Variants in PRKCE observed in about 807,000 individuals in gnomAD.
The protein encoded by PRKCE is protein kinase C epsilon type.
A neutral mutation model predicts 85.4 loss-of-function variants in PRKCE; 16 were observed. That is an observed-to-expected ratio of 0.19 (90% CI 0.13 to 0.28). The LOEUF is 0.28. Among genes scored for constraint, PRKCE ranks in the 10% least tolerant of loss-of-function variants. PRKCE has a pLI of 1.00. For missense variants in PRKCE, 573 were observed against 975.2 expected (o/e 0.59, Z 5.49); for synonymous variants, 388 against 371.5 (o/e 1.04, Z -0.51).
intron 1 of PRKCE, among the ~76,000 whole-genome samples, chr2:45,690,738 G>C (rs1677662623): frequency 6.6e-6 from 1 of 152,202 alleles, no homozygotes; most frequent in Non-Finnish European, 1.5e-5. Context: ...AGGTTTGAGT[G>C]ATTTTCCCTC....
intron 2 of PRKCE, among the ~76,000 whole-genome samples, chr2:45,932,619 T>C (rs1699124803): frequency 6.6e-6 from 1 of 151,920 alleles, no homozygotes; most frequent in African/African-American, 2.4e-5. Flanking sequence ...TGTTTTATTG[T>C]ATCTTTTTTT....
At chr2:45,732,507 A>G (rs1293310937) in intron 1 of PRKCE, among the ~76,000 whole-genome samples, 1 of 152,106 alleles carries the variant, frequency 6.6e-6, no homozygotes, top group East Asian at 1.9e-4. Flanking sequence ...TTTTTGAAAA[A>G]AGGTTTGAAG....
At chr2:45,724,844 T>G (rs1210324653) in intron 1 of PRKCE, among the ~76,000 whole-genome samples, 2 of 152,224 alleles carry the variant, frequency 1.3e-5, no homozygotes, top group Non-Finnish European at 2.9e-5. Flanking sequence ...TAGCAGAGGC[T>G]AGTTTATGAC....
intron 7 of PRKCE, among the ~76,000 whole-genome samples, chr2:46,003,057 G>T (rs979779039): frequency 6.6e-6 from 1 of 152,190 alleles, no homozygotes; most frequent in East Asian, 1.9e-4. Flanking sequence ...TCAAGAAGGG[G>T]CAGGGTGGAA....
intron 1 of PRKCE, among the ~76,000 whole-genome samples, chr2:45,660,283 G>A (rs1469409497): frequency 6.6e-6 from 1 of 152,104 alleles, no homozygotes. Flanking sequence ...AGGAGAAAAG[G>A]ATATTTTATT....
chr2:45,961,970 C>G (rs1194865716), intron 2 of PRKCE, among the ~76,000 whole-genome samples: 1 of 152,174 alleles, frequency 6.6e-6, no homozygotes, highest in Non-Finnish European at 1.5e-5. Flanking sequence ...GCTGGGATTA[C>G]AGGCGTGAAC....
intron 3 of PRKCE, among the ~76,000 whole-genome samples, chr2:45,977,326 A>G (rs189584668): frequency 2.6e-5 from 4 of 152,082 alleles, no homozygotes; most frequent in African/African-American, 9.6e-5. Flanking sequence ...GATGCCTAGG[A>G]TTTGTTAGAA....
chr2:46,167,225 T>C (rs374092383), intron 14 of PRKCE, among the ~76,000 whole-genome samples: 32 of 152,224 alleles, frequency 2.1e-4, no homozygotes, highest in African/African-American at 7.7e-4. Flanking sequence ...TGTGGGATAT[T>C]GGGAAAGTCA....
At chr2:46,149,795 A>G (rs971919913) in intron 12 of PRKCE, among the ~76,000 whole-genome samples, 2 of 151,060 alleles carry the variant, frequency 1.3e-5, no homozygotes, top group Non-Finnish European at 2.9e-5. Context: ...GTGTGTGTGT[A>G]TCATGTATTT....
chr2:45,782,779 ACACT>A (rs1640663400), intron 1 of PRKCE, among the ~76,000 whole-genome samples: 1 of 152,038 alleles, frequency 6.6e-6, no homozygotes, highest in Admixed American at 6.6e-5. Context: ...ATACACACAC[ACACT>A]CACACACACA....
At position 46,145,295 on chromosome 2, in the gene PRKCE, C is replaced by T; in HGVS notation, c.1731+64C>T. On this transcript the variant is annotated intron_variant, in intron 12 of 14. Transcript: ENST00000306156. The surrounding 1 kb of genome is among the most constrained non-coding windows in gnomAD (Gnocchi z 4.6). Reference sequence around the variant, plus strand: ...CAGGACCGAGGCAGGGGTCCAAACCCATGCACTGGGGTCATCTAGTGGTGC... The same window carrying T: ...CAGGACCGAGGCAGGGGTCCAAACCTATGCACTGGGGTCATCTAGTGGTGC... 6.3e-7 allele frequency: 1 copy of T among 1,579,392 alleles called. No homozygotes were observed.
intron 10 of PRKCE, among the ~76,000 whole-genome samples, chr2:46,019,190 T>G (rs1339432137): frequency 1.3e-5 from 2 of 152,252 alleles, no homozygotes; most frequent in Admixed American, 6.5e-5. Context: ...GAGAAAAATA[T>G]CAATTCCTGG....
At chr2:45,944,154 G>A (rs12989861) in intron 2 of PRKCE, among the ~76,000 whole-genome samples, 65,181 of 152,026 alleles carry the variant, frequency 0.43, 14,620 homozygotes, top group Middle Eastern at 0.56. Context: ...AGCCTTTTAG[G>A]CCCGAATCAC....
chr2:45,866,735 C>G (rs930270549), intron 2 of PRKCE, among the ~76,000 whole-genome samples: 8 of 152,336 alleles, frequency 5.3e-5, no homozygotes, highest in Middle Eastern at 3.4e-3. Context: ...AAATTCAGTT[C>G]CCCTGTGACA....
intron 1 of PRKCE, among the ~76,000 whole-genome samples, chr2:45,678,426 A>G (rs987866115): frequency 1.3e-5 from 2 of 152,246 alleles, no homozygotes; most frequent in South Asian, 4.1e-4. Context: ...GCAGATTGCA[A>G]TTGTCTTGCA....
intron 10 of PRKCE, among the ~76,000 whole-genome samples, chr2:46,081,322 A>G (rs1208813322): frequency 1.3e-5 from 2 of 152,038 alleles, no homozygotes; most frequent in Non-Finnish European, 2.9e-5. Context: ...TAGCCCCCTA[A>G]CCTTTTTTGT....
intron 1 of PRKCE, among the ~76,000 whole-genome samples, chr2:45,723,412 A>C (rs144098911): frequency 1.3e-5 from 2 of 152,250 alleles, no homozygotes; most frequent in Non-Finnish European, 2.9e-5. Flanking sequence ...TTAATTTTCA[A>C]CACAGATGTG....
chr2:46,180,612 C>G (rs1019001697), intron 14 of PRKCE, among the ~76,000 whole-genome samples: 2 of 152,202 alleles, frequency 1.3e-5, no homozygotes, highest in African/African-American at 4.8e-5. Context: ...AACAACCAAG[C>G]TGTGCATGAT....
At chr2:45,910,047 C>CG (rs1362136732) in intron 2 of PRKCE, among the ~76,000 whole-genome samples, 1 of 151,870 alleles carries the variant, frequency 6.6e-6, no homozygotes, top group Non-Finnish European at 1.5e-5. Context: ...CTCACCGCCC[C>CG]CCCCCAGCCA....
Sources: gnomAD v4.1 joint callset for allele counts (sites outside exome capture counted in the v4.1 genomes callset) on GRCh38, gnomAD v4.1.1 for gene constraint, Gnocchi (gnomAD v3.1) non-coding constraint, MANE v1.5 for transcripts, NCBI Gene and HGNC (gene_info 2026-07-23, HGNC 2026-07-21) for gene names.